Variants in ESRRG observed in about 807,000 individuals in gnomAD.
ESRRG encodes the protein estrogen-related receptor gamma.
In ESRRG, 13 loss-of-function variants were observed where a neutral mutation model predicts 44.0. The observed-to-expected ratio is 0.30, with a 90% CI of 0.19 to 0.47. The LOEUF is 0.47. Among genes scored for constraint, ESRRG ranks in the 20% least tolerant of loss-of-function variants. ESRRG has a pLI of 1.00. For missense variants in ESRRG, 395 were observed against 580.6 expected, an observed-to-expected ratio of 0.68 and a Z score of 3.29; for synonymous variants, 215 against 214.6, an observed-to-expected ratio of 1.00 and a Z score of -0.02.
At chr1:216,609,685 A>G (rs2060370005) in intron 3 of ESRRG, among the ~76,000 whole-genome samples, 1 of 152,252 alleles carries the variant, frequency 6.6e-6, no homozygotes, top group South Asian at 2.1e-4. Context: ...AACTTTAGAA[A>G]TAACTAGTCT....
At chr1:216,898,003 A>G (rs2058618419) in intron 2 of ESRRG, among the ~76,000 whole-genome samples, 2 of 152,196 alleles carry the variant, frequency 1.3e-5, no homozygotes, top group Admixed American at 1.3e-4. Context: ...CATCTGCACA[A>G]TGAATATGCA....
intron 2 of ESRRG, among the ~76,000 whole-genome samples, chr1:216,873,963 G>A (rs1274501409): frequency 2.7e-5 from 3 of 113,112 alleles, no homozygotes; most frequent in African/African-American, 9.9e-5. Flanking sequence ...GGGGGAAGAG[G>A]GGAGGGGAGG....
chr1:216,910,401 G>A (rs1025510559), intron 2 of ESRRG, among the ~76,000 whole-genome samples: 3 of 151,956 alleles, frequency 2.0e-5, no homozygotes, highest in South Asian at 2.1e-4. Flanking sequence ...TTTACTATAC[G>A]CCGCTAATTG....
intron 1 of ESRRG, among the ~76,000 whole-genome samples, chr1:216,979,583 C>G (rs2073583909): frequency 6.6e-6 from 1 of 152,008 alleles, no homozygotes; most frequent in Non-Finnish European, 1.5e-5. Flanking sequence ...TCCAGGATCA[C>G]CTACTTACTA....
At chr1:216,626,500 A>G (rs2063210353) in intron 3 of ESRRG, among the ~76,000 whole-genome samples, 1 of 152,028 alleles carries the variant, frequency 6.6e-6, no homozygotes, top group South Asian at 2.1e-4. Flanking sequence ...CGCACTTCCA[A>G]CTCAGTACTT....
intron 1 of ESRRG, among the ~76,000 whole-genome samples, chr1:216,957,177 G>A (rs929357682): frequency 2.0e-5 from 3 of 151,948 alleles, no homozygotes; most frequent in African/African-American, 7.3e-5. Flanking sequence ...TCTGTTGATT[G>A]TTGCTCACCT....
intron 2 of ESRRG, among the ~76,000 whole-genome samples, chr1:216,918,505 A>G (rs2576253): frequency 0.77 from 117,120 of 152,108 alleles, 45,413 homozygotes; most frequent in East Asian, 0.97. Flanking sequence ...GCTTCTCTAC[A>G]TAGATATATA....
intron 1 of ESRRG, among the ~76,000 whole-genome samples, chr1:216,700,509 T>G (rs1251112174): frequency 6.6e-6 from 1 of 151,992 alleles, no homozygotes; most frequent in East Asian, 1.9e-4. Flanking sequence ...CACACACACT[T>G]ACGCACTCAT....
chr1:217,113,943 T>C (rs1214174639), intron 1 of ESRRG, among the ~76,000 whole-genome samples: 1 of 151,756 alleles, frequency 6.6e-6, no homozygotes. Context: ...CAGTGAGCTA[T>C]GAACACACAC....
intron 3 of ESRRG, among the ~76,000 whole-genome samples, chr1:216,573,594 G>A (rs1573304973): frequency 6.6e-6 from 1 of 151,684 alleles, no homozygotes; most frequent in Admixed American, 6.6e-5. Context: ...TGATCGAACG[G>A]TAAAATAACT....
chr1:216,708,115 G>A (rs1322631174), intron 1 of ESRRG, among the ~76,000 whole-genome samples: 4 of 151,910 alleles, frequency 2.6e-5, no homozygotes, highest in Non-Finnish European at 5.9e-5. Context: ...AATATTCTTG[G>A]TATATTCAAC....
intron 2 of ESRRG, among the ~76,000 whole-genome samples, chr1:216,821,612 G>A (rs2095289747): frequency 6.7e-6 from 1 of 150,226 alleles, no homozygotes; most frequent in Non-Finnish European, 1.5e-5. Flanking sequence ...TTGTGCCCAG[G>A]AGTTTGAGGT....
intron 2 of ESRRG, among the ~76,000 whole-genome samples, chr1:216,891,540 T>A (rs75015765): frequency 0.01 from 1,545 of 152,334 alleles, 13 homozygotes; most frequent in Non-Finnish European, 0.018. Flanking sequence ...TAAGCCTGCT[T>A]TTGTCTTGAG....
chr1:216,514,416 C>T lies in ESRRG; in HGVS notation c.1132+4736G>A, dbSNP rs191091611. On this transcript the variant is annotated intron_variant, in intron 6 of 6. Coordinates refer to ENST00000408911, the MANE Select transcript of ESRRG (RefSeq NM_001438.4). The stretch of plus-strand genomic sequence containing the variant: ...ACAAAGCTCTACCTGCCACACAAAG[C>T]TTACATATATTCATTTCTCATAAAA... 8.5e-5 allele frequency among the ~76,000 whole-genome samples: 13 copies of T among 152,190 alleles called. No individual in the cohort carries two copies. The East Asian group carries it at 2.5e-3, about 29-fold the overall frequency.
intron 2 of ESRRG, among the ~76,000 whole-genome samples, chr1:216,655,604 G>A (rs1430817726): frequency 6.6e-6 from 1 of 152,174 alleles, no homozygotes; most frequent in East Asian, 1.9e-4. Context: ...CAGCTGAAGT[G>A]TATAGAAATT....
chr1:216,874,134 T>C (rs2096308740), intron 2 of ESRRG, among the ~76,000 whole-genome samples: 1 of 152,080 alleles, frequency 6.6e-6, no homozygotes, highest in African/African-American at 2.4e-5. Context: ...GACCTCTCCC[T>C]GTCCACTTCT....
At chr1:216,821,800 T>G (rs1025557733) in intron 2 of ESRRG, among the ~76,000 whole-genome samples, 1 of 151,648 alleles carries the variant, frequency 6.6e-6, no homozygotes, top group Admixed American at 6.6e-5. Context: ...GAAATTTCCT[T>G]ATGATTCAAC....
intron 1 of ESRRG, among the ~76,000 whole-genome samples, chr1:217,014,333 T>A (rs182846767): frequency 2.0e-4 from 30 of 152,216 alleles, no homozygotes. Flanking sequence ...CAAAGGTTTG[T>A]GGGATATTTT....
At chr1:216,814,692 C>T (rs2148514098) in intron 2 of ESRRG, among the ~76,000 whole-genome samples, 2 of 152,300 alleles carry the variant, frequency 1.3e-5, no homozygotes, top group South Asian at 4.1e-4. Context: ...CTCCAGCACA[C>T]CTTCACAACT....
Sources: allele counts gnomAD v4.1 joint callset (sites outside exome capture counted in the v4.1 genomes callset), GRCh38; gene constraint gnomAD v4.1.1; transcripts MANE v1.5; gene names NCBI Gene and HGNC (gene_info 2026-07-23, HGNC 2026-07-21).